Variants in INPP4B observed in about 807,000 individuals in gnomAD.
INPP4B encodes inositol polyphosphate 4-phosphatase type II.
In INPP4B, 55 loss-of-function variants were observed where a neutral mutation model predicts 122.5. The observed-to-expected ratio is 0.45, with a 90% confidence interval of 0.36 to 0.56. The LOEUF (loss-of-function observed/expected upper bound fraction) is 0.56, where lower values mean the gene tolerates loss of function less well. Among genes scored for constraint, INPP4B ranks in the 20% least tolerant of loss-of-function variants. The pLI, the probability that INPP4B is intolerant of heterozygous loss-of-function variation, is 0.00. For synonymous variants in INPP4B, 403 were observed against 388.7 expected (o/e 1.04, Z -0.43); for missense variants, 1,000 against 1,097.7 (o/e 0.91, Z 1.26).
Position 142,399,540 on chromosome 4 carries a change from T to A in INPP4B, c.372+3398A>T, listed in dbSNP as rs183444559. Among the ~76,000 whole-genome samples the A allele has an allele frequency of 3.9e-3, 588 of 152,250 alleles. 3 individuals carry two copies. The highest frequency in any genetic ancestry group is 0.013 in the African/African-American group (544 of 41,554). ...GCTGTAACATATGAAAGACTCAGAATCCCACAGCTTGACTCTTTAGGGCTA... is the reference window on the plus strand; with the variant it reads ...GCTGTAACATATGAAAGACTCAGAAACCCACAGCTTGACTCTTTAGGGCTA... On this transcript the variant is annotated intron_variant, in intron 7 of 25. Coordinates refer to ENST00000262992, the MANE Select transcript of INPP4B (RefSeq NM_001101669.3).
At position 142,106,809 on chromosome 4, in the gene INPP4B, G is replaced by A. The variant is rs1787363767; in HGVS notation, c.2374+1284C>T. 2.6e-5 allele frequency among the ~76,000 whole-genome samples: 4 copies of A among 152,146 alleles called. No individual in the cohort carries two copies. The South Asian group carries it at 8.3e-4, about 32-fold the overall frequency. On this transcript the variant is annotated intron_variant, in intron 23 of 25. Coordinates refer to ENST00000262992, the MANE Select transcript of INPP4B (RefSeq NM_001101669.3). ...TTGCATTGCTGACAAGTTTCCTGGT[G>A]ATGCTGATGCCGCTGGCCTGGGGAC... is the stretch of plus-strand genomic sequence containing the variant.
chr4:142,440,465 T>C (rs559994246), intron 3 of INPP4B, among the ~76,000 whole-genome samples: 1 of 152,320 alleles, frequency 6.6e-6, no homozygotes, highest in Admixed American at 6.5e-5. Context: ...AGTCAGAGAA[T>C]TGCAAATAGT....
chr4:142,400,046 A>G (rs1418707705), intron 7 of INPP4B, among the ~76,000 whole-genome samples: 1 of 152,230 alleles, frequency 6.6e-6, no homozygotes, highest in Non-Finnish European at 1.5e-5. Flanking sequence ...AGTTTTTTAG[A>G]GGAGCACAAG....
intron 11 of INPP4B, among the ~76,000 whole-genome samples, chr4:142,258,093 G>C (rs981617692): frequency 6.6e-6 from 1 of 151,670 alleles, no homozygotes; most frequent in Non-Finnish European, 1.5e-5. Context: ...AGAAAAACAA[G>C]CAATGGGGAA....
chr4:142,670,761 A>C (rs1417900058), intron 2 of INPP4B, among the ~76,000 whole-genome samples: 3 of 152,130 alleles, frequency 2.0e-5, no homozygotes, highest in Non-Finnish European at 4.4e-5. Context: ...TTAATAATAT[A>C]TTGTATTATT....
At chr4:142,370,458 G>A (rs184991085) in intron 7 of INPP4B, among the ~76,000 whole-genome samples, 2 of 152,134 alleles carry the variant, frequency 1.3e-5, no homozygotes, top group East Asian at 3.9e-4. Context: ...GAAATGGAAA[G>A]ATTAAGAAGA....
intron 18 of INPP4B, among the ~76,000 whole-genome samples, chr4:142,141,992 AATAG>A (rs1407161696): frequency 6.6e-6 from 1 of 152,122 alleles, no homozygotes; most frequent in Non-Finnish European, 1.5e-5. Context: ...TTTGATTTAA[AATAG>A]ATACAGAATC....
intron 25 of INPP4B, chr4:142,030,411 C>T (rs1235285704): frequency 1.1e-6 from 1 of 889,636 alleles, no homozygotes; most frequent in Non-Finnish European, 1.7e-6. Context: ...TCTTACATAA[C>T]ACAACTCTTT....
intron 11 of INPP4B, among the ~76,000 whole-genome samples, chr4:142,244,115 T>C (rs1464098503): frequency 1.3e-5 from 2 of 148,578 alleles, no homozygotes; most frequent in South Asian, 2.3e-4. Flanking sequence ...CCTCTGTCCA[T>C]GTGTTCTCAC....
intron 7 of INPP4B, among the ~76,000 whole-genome samples, chr4:142,395,351 T>A (rs942442982): frequency 6.6e-6 from 1 of 152,190 alleles, no homozygotes; most frequent in Admixed American, 6.5e-5. Context: ...GCTTAAAATA[T>A]TAAAAGTTGC....
At chr4:142,300,994 T>G (rs1665681338) in intron 9 of INPP4B, among the ~76,000 whole-genome samples, 1 of 152,130 alleles carries the variant, frequency 6.6e-6, no homozygotes, top group Admixed American at 6.6e-5. Context: ...AAAGAAATAA[T>G]AAAGTCCTCG....
chr4:142,308,199 A>G (rs548806779), intron 8 of INPP4B, among the ~76,000 whole-genome samples: 3 of 152,310 alleles, frequency 2.0e-5, no homozygotes, highest in African/African-American at 7.2e-5. Context: ...TTTATCCATT[A>G]TAACTGTCAG....
At chr4:142,326,212 G>A (rs1322631309) in intron 7 of INPP4B, among the ~76,000 whole-genome samples, 2 of 152,184 alleles carry the variant, frequency 1.3e-5, no homozygotes, top group Admixed American at 6.5e-5. Context: ...GCCAAGTCCG[G>A]TCCTGTGGAC....
At chr4:142,568,922 T>C (rs1050155053) in intron 2 of INPP4B, among the ~76,000 whole-genome samples, 9 of 152,262 alleles carry the variant, frequency 5.9e-5, no homozygotes, top group Admixed American at 5.9e-4. Flanking sequence ...GGATTATTAA[T>C]ACTGACAAGT....
intron 15 of INPP4B, among the ~76,000 whole-genome samples, chr4:142,188,523 A>ATG (rs1834295177): frequency 7.3e-6 from 1 of 137,802 alleles, no homozygotes; most frequent in Non-Finnish European, 1.5e-5. Context: ...AAAAAAATAT[A>ATG]TATAGCTTGA....
intron 2 of INPP4B, among the ~76,000 whole-genome samples, chr4:142,478,700 A>G (rs1057316458): frequency 1.1e-4 from 17 of 152,080 alleles, no homozygotes; most frequent in Non-Finnish European, 4.4e-5. Flanking sequence ...GTATTTTGTT[A>G]AAGATTTTTG....
intron 11 of INPP4B, among the ~76,000 whole-genome samples, chr4:142,255,111 A>C (rs1249977048): frequency 6.6e-6 from 1 of 152,024 alleles, no homozygotes; most frequent in African/African-American, 2.4e-5. Context: ...ACTAAGCTTC[A>C]TAAGTGAAGG....
At chr4:142,498,120 T>TACAC (rs146304077) in intron 2 of INPP4B, among the ~76,000 whole-genome samples, 4 of 149,464 alleles carry the variant, frequency 2.7e-5, no homozygotes, top group South Asian at 2.1e-4. Flanking sequence ...TATATATATA[T>TACAC]ACACACACAC....
At chr4:142,136,277 G>T (rs1804197234) in intron 18 of INPP4B, among the ~76,000 whole-genome samples, 1 of 152,240 alleles carries the variant, frequency 6.6e-6, no homozygotes, top group Admixed American at 6.5e-5. Context: ...GGCAGGCACT[G>T]GAGAACCCTG....
Sources: gnomAD v4.1 joint callset for allele counts (sites outside exome capture counted in the v4.1 genomes callset) on GRCh38, gnomAD v4.1.1 for gene constraint, MANE v1.5 for transcripts, NCBI Gene and HGNC (gene_info 2026-07-23, HGNC 2026-07-21) for gene names.